The following STK3 variants were observed in gnomAD, a reference collection of about 807,000 sequenced individuals.
STK3 encodes the protein serine/threonine-protein kinase 3.
In STK3, 41 loss-of-function variants were observed where a neutral mutation model predicts 58.0. That is an observed-to-expected ratio of 0.71 (90% CI 0.55 to 0.92). The LOEUF (loss-of-function observed/expected upper bound fraction) is 0.92. Among genes scored for constraint, STK3 ranks in the 40% least tolerant of loss-of-function variants. The probability of loss-of-function intolerance (pLI) is 0.00; values close to 1 mark genes in which losing one functional copy is unlikely to be tolerated. For missense variants in STK3, 479 were observed against 602.7 expected, an observed-to-expected ratio of 0.79 and a Z score of 2.15; for synonymous variants, 170 against 191.0, an observed-to-expected ratio of 0.89 and a Z score of 0.91.
At chr8:98,624,199 A>G (rs1204919114) in intron 6 of STK3, among the ~76,000 whole-genome samples, 1 of 152,250 alleles carries the variant, frequency 6.6e-6, no homozygotes. Flanking sequence ...TTTTGGGGGC[A>G]TCAGTCTTCA....
At chr8:98,593,956 G>A (rs1450481828) in intron 7 of STK3, among the ~76,000 whole-genome samples, 1 of 152,030 alleles carries the variant, frequency 6.6e-6, no homozygotes, top group Admixed American at 6.5e-5. Context: ...ACTTTAATAT[G>A]TACAAGTACT....
chr8:98,746,899 A>T (rs1236515407), intron 4 of STK3, among the ~76,000 whole-genome samples: 1 of 151,914 alleles, frequency 6.6e-6, no homozygotes, highest in Non-Finnish European at 1.5e-5. Flanking sequence ...TTAATTAGCC[A>T]GGCATGATGG....
intron 4 of STK3, among the ~76,000 whole-genome samples, chr8:98,733,217 A>C (rs953186925): frequency 6.6e-6 from 1 of 152,250 alleles, no homozygotes; most frequent in Non-Finnish European, 1.5e-5. Flanking sequence ...ACGAAAAAAG[A>C]AAAACACCTG....
At chr8:98,799,900 C>T (rs994628827) in intron 1 of STK3, among the ~76,000 whole-genome samples, 6 of 152,186 alleles carry the variant, frequency 3.9e-5, no homozygotes, top group Non-Finnish European at 7.3e-5. Context: ...CCAAAACTGC[C>T]GAGGCCTAGA....
chr8:98,529,848 T>A (rs1025532480), intron 9 of STK3, among the ~76,000 whole-genome samples: 4 of 152,208 alleles, frequency 2.6e-5, no homozygotes, highest in African/African-American at 7.2e-5. Context: ...GAAAACAGAA[T>A]GGTGGTTGCT....
At chr8:98,629,505 C>T (rs1292965155) in intron 6 of STK3, among the ~76,000 whole-genome samples, 3 of 152,106 alleles carry the variant, frequency 2.0e-5, no homozygotes, top group Non-Finnish European at 4.4e-5. Context: ...CAAAAGTTTA[C>T]TAATCTAGAG....
rs1302398028 is a variant in STK3, at chr8:98,777,256, G to A, written c.27-2437C>T. Among the ~76,000 whole-genome samples, 5 of 152,202 alleles carry A rather than the reference G, an allele frequency of 3.3e-5. No homozygotes were observed. The South Asian group carries it at 8.3e-4, about 25-fold the overall frequency. On this transcript the variant is annotated intron_variant, in intron 1 of 10. Transcript: ENST00000419617. ...AAAATAGCAGAAATGGGCTGGGCACGGTGGCTCACGCCTGTATTCCAGCAC... is the reference window on the plus strand; with the variant it reads ...AAAATAGCAGAAATGGGCTGGGCACAGTGGCTCACGCCTGTATTCCAGCAC...
intron 10 of STK3, among the ~76,000 whole-genome samples, chr8:98,487,269 G>C (rs906245826): frequency 1.2e-4 from 18 of 152,152 alleles, no homozygotes; most frequent in African/African-American, 3.6e-4. Flanking sequence ...CTTTGAGCTG[G>C]GAGGATAAGG....
At chr8:98,485,605 C>T (rs1166238869) in intron 10 of STK3, among the ~76,000 whole-genome samples, 1 of 152,162 alleles carries the variant, frequency 6.6e-6, no homozygotes, top group African/African-American at 2.4e-5. Flanking sequence ...AAGATTTCAA[C>T]TAGCAACACA....
At chr8:98,791,027 G>C (rs182602402) in intron 1 of STK3, among the ~76,000 whole-genome samples, 1 of 150,646 alleles carries the variant, frequency 6.6e-6, no homozygotes, top group Non-Finnish European at 1.5e-5. Context: ...AGGAAGTCAA[G>C]CTGTTGCTGT....
intron 6 of STK3, among the ~76,000 whole-genome samples, chr8:98,691,926 C>T (rs928357648): frequency 5.8e-5 from 8 of 136,958 alleles, no homozygotes; most frequent in Admixed American, 2.4e-4. Context: ...AGCAAAACTC[C>T]GCCTCAAAAA....
At chr8:98,832,022 T>C (rs1296351998) in intron 3 of STK3, among the ~76,000 whole-genome samples, 2 of 152,160 alleles carry the variant, frequency 1.3e-5, no homozygotes, top group African/African-American at 2.4e-5. Flanking sequence ...AATTCTTCAA[T>C]TTACTTCCAT....
intron 10 of STK3, among the ~76,000 whole-genome samples, chr8:98,513,542 T>C (rs1474841304): frequency 2.0e-5 from 3 of 152,176 alleles, no homozygotes; most frequent in Non-Finnish European, 4.4e-5. Flanking sequence ...ACCTGGCATA[T>C]GTCCCTAGAA....
intron 1 of STK3, among the ~76,000 whole-genome samples, chr8:98,938,870 G>A (rs1167565009): frequency 3.3e-5 from 5 of 152,100 alleles, no homozygotes; most frequent in Admixed American, 3.3e-4. Context: ...GGACAAGGAA[G>A]GCAGGCAAGT....
chr8:98,386,089 G>C (rs1302251929), intron 1 of STK3, among the ~76,000 whole-genome samples: 1 of 152,114 alleles, frequency 6.6e-6, no homozygotes, highest in Non-Finnish European at 1.5e-5. Flanking sequence ...GTAGGCAGTG[G>C]GGAAGCAGGC....
intron 6 of STK3, among the ~76,000 whole-genome samples, chr8:98,698,616 C>G (rs552762444): frequency 6.6e-6 from 1 of 152,280 alleles, no homozygotes; most frequent in African/African-American, 2.4e-5. Flanking sequence ...TTCTCCTTCA[C>G]TTATGAAGCT....
At chr8:98,568,327 C>G (rs1181638098) in intron 8 of STK3, among the ~76,000 whole-genome samples, 1 of 151,948 alleles carries the variant, frequency 6.6e-6, no homozygotes, top group Non-Finnish European at 1.5e-5. Flanking sequence ...TGGGAGATGT[C>G]AAAAATGTGG....
chr8:98,541,316 C>T (rs1446621278), intron 9 of STK3, among the ~76,000 whole-genome samples: 6 of 152,100 alleles, frequency 3.9e-5, no homozygotes, highest in South Asian at 2.1e-4. Flanking sequence ...AGTGCTGTCT[C>T]GTGGCTGAGT....
At chr8:98,763,230 T>C (rs1183506150) in intron 3 of STK3, among the ~76,000 whole-genome samples, 1 of 152,230 alleles carries the variant, frequency 6.6e-6, no homozygotes, top group East Asian at 1.9e-4. Flanking sequence ...CTATGATTTA[T>C]CCATTTAATA....
Sources: gnomAD v4.1 joint callset for allele counts (sites outside exome capture counted in the v4.1 genomes callset) on GRCh38, gnomAD v4.1.1 for gene constraint, MANE v1.5 for transcripts, NCBI Gene and HGNC (gene_info 2026-07-23, HGNC 2026-07-21) for gene names.